RAD23B: variants seen among roughly 807,000 people sequenced by gnomAD.
RAD23B encodes RAD23 nucleotide excision repair protein B, also known as lysine-specific demethylase RAD23B.
In RAD23B, 5 loss-of-function variants were observed where a neutral mutation model predicts 49.1. The ratio of observed to expected loss-of-function variants is 0.10; its 90% CI spans 0.05 to 0.21. RAD23B has a LOEUF of 0.21. Among genes scored for constraint, RAD23B ranks in the 10% least tolerant of loss-of-function variants. RAD23B has a pLI of 1.00. For synonymous variants in RAD23B, 184 were observed against 165.4 expected (o/e 1.11, Z -0.86); for missense variants, 356 against 486.7 (o/e 0.73, Z 2.53).
At chr9:107,302,302 A>G (rs1284618795) in intron 3 of RAD23B, among the ~76,000 whole-genome samples, 188 bp downstream of exon 3, 4 of 152,226 alleles carry the variant, frequency 2.6e-5, no homozygotes, top group Non-Finnish European at 5.9e-5. Flanking sequence ...TTAATTACAC[A>G]TTAAACTATA....
chr9:107,318,113 A>G lies in RAD23B; in HGVS notation c.554-639A>G, dbSNP rs1280609100. The stretch of plus-strand genomic sequence containing the variant: ...TCTATTGTACTCTGAAACATATTAT[A>G]TGAGTTTCCTGTTGCTACTGTAGTA... On this transcript the variant is annotated intron_variant, in intron 5 of 9. Coordinates refer to ENST00000358015, the MANE Select transcript of RAD23B (RefSeq NM_002874.5). The surrounding 1 kb of genome is among the most constrained non-coding windows in gnomAD (Gnocchi z 4.3). 6.6e-6 allele frequency among the ~76,000 whole-genome samples: 1 copy of G among 152,156 alleles called. No individual in the cohort carries two copies. The highest frequency in any genetic ancestry group is 2.4e-5 in the African/African-American group (1 of 41,430).
intron 4 of RAD23B, 39 bp downstream of exon 4, chr9:107,306,686 G>A (rs1382974173): frequency 3.2e-6 from 5 of 1,571,354 alleles, no homozygotes; most frequent in East Asian, 2.3e-5. Flanking sequence ...CTCAAAATCC[G>A]TGTTTAACAG....
At chr9:107,304,304 T>A (rs1271862693) in intron 3 of RAD23B, among the ~76,000 whole-genome samples, 1 of 152,222 alleles carries the variant, frequency 6.6e-6, no homozygotes, top group African/African-American at 2.4e-5. Context: ...AGTATACCAC[T>A]TTTAAAAATA....
rs753070391 is a variant in RAD23B, at chr9:107,321,973, T to C, written c.682-10T>C. ...ATGGGATATCTTAAAGCTTGGAAAT[T>C]CTATTACAGGGAATCCCTGGAGATA... is the stretch of plus-strand genomic sequence containing the variant. On this transcript the variant is annotated splice_polypyrimidine_tract_variant and intron_variant, in intron 6 of 9. Coordinates refer to ENST00000358015, the MANE Select transcript of RAD23B (RefSeq NM_002874.5). 6.3e-7 allele frequency: 1 copy of C among 1,593,928 alleles called. No individual in the cohort carries two copies. The highest frequency in any genetic ancestry group is 2.2e-5 in the East Asian group (1 of 44,516).
Position 107,324,910 on chromosome 9 carries a change from G to A in RAD23B, c.1022G>A (p.Gly341Glu), listed in dbSNP as rs1040382251. 1.9e-6 allele frequency: 3 copies of A among 1,613,772 alleles called. No individual in the cohort carries two copies. The highest frequency in any genetic ancestry group is 2.7e-5 in the African/African-American group (2 of 75,034). Residue 341 changes from glycine to glutamate, a missense_variant, in exon 9 of 10, where the codon GGA (glycine) becomes GAA (glutamate). Physicochemically the swap from Gly to Glu is moderately conservative, Grantham distance 98. Transcript: ENST00000358015. ...PVQEAGGQGG[G>E]GGGGSGGIAE... The stretch of plus-strand genomic sequence containing the variant: ...CAAGAAGCTGGTGGTCAAGGAGGAG[G>A]AGGTGGAGGTGGCAGTGGAGGAATT...
intron 1 of RAD23B, chr9:107,284,193 T>C: frequency 1.0e-6 from 1 of 985,112 alleles, no homozygotes; most frequent in Non-Finnish European, 1.2e-6. Flanking sequence ...GAGAGGTGAG[T>C]GGTGGTGAAA....
intron 1 of RAD23B, among the ~76,000 whole-genome samples, chr9:107,290,822 A>G (rs1030330147): frequency 1.3e-5 from 2 of 152,220 alleles, no homozygotes; most frequent in Admixed American, 6.5e-5. Flanking sequence ...TTAGATTGAC[A>G]TAATCAGCAA....
chr9:107,317,355 G>A (rs1262036453), intron 5 of RAD23B, among the ~76,000 whole-genome samples: 2 of 152,110 alleles, frequency 1.3e-5, no homozygotes, highest in Non-Finnish European at 2.9e-5. Context: ...TTTTGTCCAA[G>A]TGCTTAGGTA....
At chr9:107,314,470 A>T (rs941694323) in intron 5 of RAD23B, among the ~76,000 whole-genome samples, 1 of 152,166 alleles carries the variant, frequency 6.6e-6, no homozygotes, top group African/African-American at 2.4e-5. Context: ...TTCATTTAGG[A>T]TAGTGGCCTC....
intron 1 of RAD23B, among the ~76,000 whole-genome samples, chr9:107,291,787 C>A (rs7030169): frequency 0.8 from 122,291 of 152,230 alleles, 49,687 homozygotes; most frequent in African/African-American, 0.93. Flanking sequence ...TCCTTTAGTA[C>A]ACATTTGGCT....
intron 9 of RAD23B, among the ~76,000 whole-genome samples, chr9:107,326,164 T>G (rs1257643135): frequency 6.6e-6 from 1 of 152,204 alleles, no homozygotes; most frequent in Non-Finnish European, 1.5e-5. Flanking sequence ...TAAGTCATAT[T>G]GGTCTGTAGT....
At chr9:107,321,322 A>C (rs1033111370) in intron 6 of RAD23B, among the ~76,000 whole-genome samples, 10 of 151,322 alleles carry the variant, frequency 6.6e-5, no homozygotes, top group African/African-American at 2.4e-4. Context: ...TTTAAGAAAC[A>C]CTTCACTGAA....
chr9:107,324,790 TAATATC>T, intron 8 of RAD23B, 38 bp from the exon 9 acceptor site: 1 of 1,501,012 alleles, frequency 6.7e-7, no homozygotes, highest in Non-Finnish European at 9.0e-7. Context: ...TGCAGATACT[TAATATC>T]AGTGTATTAT....
In RAD23B at chr9:107,330,562, T is replaced by C. The variant is rs1827288328; in HGVS notation, c.*906T>C. 6.6e-6 allele frequency: 1 copy of C among 152,638 alleles called. No individual in the cohort carries two copies. The highest frequency in any genetic ancestry group is 2.4e-5 in the African/African-American group (1 of 41,444). 9.5% of individuals were successfully genotyped at this position (152,638 alleles called of 1,614,324 possible). ...TTCCCCTTCCCTCAGCAGAAACGTG[T>C]TTATCAGCAAGTCGTGAGTCAAACT... On this transcript the variant is annotated 3_prime_UTR_variant, in exon 10 of 10. Transcript: ENST00000358015. This position sits in a 1 kb window ranked among gnomAD's most constrained non-coding sequence, Gnocchi z 4.4.
At position 107,324,078 on chromosome 9, in the gene RAD23B, A is replaced by C; in HGVS notation, c.945+61A>C. The C allele has an allele frequency of 2.6e-6, 4 of 1,547,554 alleles. No individual in the cohort carries two copies. In the Middle Eastern group the frequency reaches 5.1e-4, roughly 197 times the overall value. On this transcript the variant is annotated intron_variant, in intron 8 of 9. Coordinates refer to ENST00000358015, the MANE Select transcript of RAD23B (RefSeq NM_002874.5). ...AGTGTGTCACAATTTGAAAAAGTCC[A>C]TGAACGGTCCTTCCCCTCCTCAAAT...
chr9:107,303,363 G>T (rs1056937546), intron 3 of RAD23B, among the ~76,000 whole-genome samples: 1 of 152,170 alleles, frequency 6.6e-6, no homozygotes, highest in Non-Finnish European at 1.5e-5. Context: ...TGTACTGGGA[G>T]CAAGCAGCTA....
rs908071385 is a variant in RAD23B, at chr9:107,321,619, G to GTTGTGTTCAGTT, written c.682-361_682-350dup. On this transcript the variant is annotated intron_variant, in intron 6 of 9. Coordinates refer to ENST00000358015, the MANE Select transcript of RAD23B (RefSeq NM_002874.5). ...CTAATAGGTAGCACAAAAACCTTTG[G>GTTGTGTTCAGTT]TTGTGTTCAGTTTTAAGAAGGTACA... is the stretch of plus-strand genomic sequence containing the variant. Among the ~76,000 whole-genome samples the GTTGTGTTCAGTT allele has an allele frequency of 1.8e-4, 27 of 152,256 alleles. No individual in the cohort carries two copies. The East Asian group carries it at 3.1e-3, about 17-fold the overall frequency.
rs1833221260 is a variant in RAD23B, at chr9:107,284,094, G to A, written c.66+399G>A. The A allele has an allele frequency of 9.0e-6, 9 of 1,004,172 alleles. No homozygotes were observed. The South Asian group carries it at 3.7e-4, about 41-fold the overall frequency. The allele number at this position is 1,004,172 out of a possible 1,614,324, so 62.2% of individuals were successfully genotyped here. On this transcript the variant is annotated intron_variant, in intron 1 of 9. Transcript: ENST00000358015. The stretch of plus-strand genomic sequence containing the variant: ...GTAGGCGTCGCCACTACCCCTGTGT[G>A]GACCTGGTTAGCCGCTTAGTTCCCA...
chr9:107,329,182 A>G (rs1290286289), intron 9 of RAD23B, among the ~76,000 whole-genome samples: 2 of 152,258 alleles, frequency 1.3e-5, no homozygotes, highest in African/African-American at 2.4e-5. Context: ...ACTAAAAGCC[A>G]TTTGATTTAC....
Sources: gnomAD v4.1 joint callset for allele counts (sites outside exome capture counted in the v4.1 genomes callset) on GRCh38, gnomAD v4.1.1 for gene constraint, Gnocchi (gnomAD v3.1) non-coding constraint, MANE v1.5 for transcripts, NCBI Gene and HGNC (gene_info 2026-07-23, HGNC 2026-07-21) for gene names.